Variants in SLCO5A1 observed in about 807,000 individuals in gnomAD.
The protein encoded by SLCO5A1 is organic anion transporter polypeptide-related protein 4.
In SLCO5A1, 39 loss-of-function variants were observed where a neutral mutation model predicts 65.1. That is an observed-to-expected ratio of 0.60 (90% confidence interval 0.46 to 0.78). The LOEUF is 0.78. Among genes scored for constraint, SLCO5A1 ranks in the 30% least tolerant of loss-of-function variants. SLCO5A1 has a pLI of 0.00. For synonymous variants in SLCO5A1, 438 were observed against 415.7 expected, an observed-to-expected ratio of 1.05 and a Z score of -0.65; for missense variants, 1,029 against 1,069.4, an observed-to-expected ratio of 0.96 and a Z score of 0.53.
In SLCO5A1 at chr8:69,672,962, TGCTGC is replaced by T. The variant is rs750738897; in HGVS notation, c.2449_2453del (p.Ala817ThrfsTer39). On this transcript the variant is annotated frameshift_variant, in exon 10 of 10. Coordinates refer to ENST00000260126, the MANE Select transcript of SLCO5A1 (RefSeq NM_030958.3). LOFTEE classifies it high-confidence loss of function. The stretch of plus-strand genomic sequence containing the variant: ...CTGGGAAGGGCCCCGGGTAGGTCTG[TGCTGC>T]GCACTGGATCCCTTTTTGCAGGCCA... 2 of 1,614,234 alleles carry T rather than the reference TGCTGC, an allele frequency of 1.2e-6. No homozygotes were observed. Among genetic ancestry groups the T allele is most frequent in the East Asian group, 4.5e-5 (2 of 44,870 alleles).
At chr8:69,710,955 T>C (rs1212095876) in intron 5 of SLCO5A1, among the ~76,000 whole-genome samples, 1 of 152,128 alleles carries the variant, frequency 6.6e-6, no homozygotes, top group Non-Finnish European at 1.5e-5. Context: ...TGGGGAATTA[T>C]ACGCGTCTTG....
intron 2 of SLCO5A1, among the ~76,000 whole-genome samples, chr8:69,799,031 A>C (rs565697394): frequency 6.6e-6 from 1 of 152,366 alleles, no homozygotes; most frequent in East Asian, 1.9e-4. Context: ...ACATAAAAGC[A>C]CTAAGTATAA....
At chr8:69,798,327 T>C (rs1819587063) in intron 2 of SLCO5A1, among the ~76,000 whole-genome samples, 1 of 152,172 alleles carries the variant, frequency 6.6e-6, no homozygotes, top group South Asian at 2.1e-4. Flanking sequence ...AAGAAATACC[T>C]GAGACTGGGT....
intron 4 of SLCO5A1, among the ~76,000 whole-genome samples, chr8:69,751,178 A>G (rs1175532022): frequency 1.3e-5 from 2 of 152,242 alleles, no homozygotes; most frequent in African/African-American, 4.8e-5. Context: ...AACTGCCACC[A>G]AAAGTTTTTT....
chr8:69,706,152 C>A (rs1441002586), intron 5 of SLCO5A1, among the ~76,000 whole-genome samples: 1 of 152,138 alleles, frequency 6.6e-6, no homozygotes, highest in Non-Finnish European at 1.5e-5. Flanking sequence ...TATACAAAGA[C>A]AATGATGAAT....
intron 2 of SLCO5A1, among the ~76,000 whole-genome samples, chr8:69,830,710 G>A (rs1228292452): frequency 2.0e-5 from 3 of 152,064 alleles, no homozygotes; most frequent in Non-Finnish European, 1.5e-5. Context: ...CATACCCTCT[G>A]CAACTGCTGC....
chr8:69,689,332 C>T lies in SLCO5A1; in HGVS notation c.1623-6989G>A, dbSNP rs1350370464. Among the ~76,000 whole-genome samples the T allele has an allele frequency of 6.0e-5, 6 of 99,650 alleles. 1 individual carries two copies. Among genetic ancestry groups the T allele is most frequent in the Admixed American group, 4.5e-4 (5 of 11,196 alleles). 65.4% of individuals were successfully genotyped at this position (99,650 alleles called of 152,430 possible). On this transcript the variant is annotated intron_variant, in intron 6 of 9. Coordinates refer to ENST00000260126, the MANE Select transcript of SLCO5A1 (RefSeq NM_030958.3). Reference sequence around the variant, plus strand: ...TAGTTTCTTTTGCTGTGCAGAAGCTCTTTAGTTTAATTAGATCCCATTTGT... The same window carrying T: ...TAGTTTCTTTTGCTGTGCAGAAGCTTTTTAGTTTAATTAGATCCCATTTGT...
intron 2 of SLCO5A1, among the ~76,000 whole-genome samples, chr8:69,779,228 C>A (rs1586790566): frequency 6.6e-6 from 1 of 152,096 alleles, no homozygotes; most frequent in Non-Finnish European, 1.5e-5. Context: ...TTTTAATTTT[C>A]ACCCCTAAGG....
At chr8:69,785,494 GA>G (rs1563723800) in intron 2 of SLCO5A1, among the ~76,000 whole-genome samples, 1 of 152,160 alleles carries the variant, frequency 6.6e-6, no homozygotes, top group African/African-American at 2.4e-5. Context: ...AGAAAAGGAA[GA>G]AGAGAATGAA....
chr8:69,804,857 C>G (rs545095015), intron 2 of SLCO5A1, among the ~76,000 whole-genome samples: 21 of 152,270 alleles, frequency 1.4e-4, no homozygotes, highest in South Asian at 8.3e-4. Context: ...GAGTCCTATT[C>G]GTGAGTTTCT....
At chr8:69,808,334 C>A (rs1820093191) in intron 2 of SLCO5A1, among the ~76,000 whole-genome samples, 1 of 152,178 alleles carries the variant, frequency 6.6e-6, no homozygotes, top group East Asian at 1.9e-4. Context: ...CACACTTCAC[C>A]CTCCAAAAGG....
chr8:69,676,313 C>A (rs551734851), intron 9 of SLCO5A1, among the ~76,000 whole-genome samples: 1 of 152,276 alleles, frequency 6.6e-6, no homozygotes, highest in African/African-American at 2.4e-5. Context: ...AAATTCTTCA[C>A]AAATTGCTTG....
chr8:69,709,306 G>C (rs1035777176), intron 5 of SLCO5A1, among the ~76,000 whole-genome samples: 4 of 152,184 alleles, frequency 2.6e-5, no homozygotes, highest in Non-Finnish European at 5.9e-5. Context: ...GGTTGAATGT[G>C]GAGGGGAAAT....
chr8:69,803,770 C>T (rs1586818535), intron 2 of SLCO5A1, among the ~76,000 whole-genome samples: 2 of 152,084 alleles, frequency 1.3e-5, no homozygotes, highest in East Asian at 1.9e-4. Context: ...GGAAAAACTG[C>T]TTAGGCCAGG....
intron 4 of SLCO5A1, among the ~76,000 whole-genome samples, chr8:69,739,762 A>G (rs1816718171): frequency 6.6e-6 from 1 of 152,158 alleles, no homozygotes; most frequent in South Asian, 2.1e-4. Context: ...ATGGATAAAC[A>G]CACCAGAGAA....
chr8:69,744,049 C>A (rs1175820551), intron 4 of SLCO5A1, among the ~76,000 whole-genome samples: 2 of 152,170 alleles, frequency 1.3e-5, no homozygotes, highest in Non-Finnish European at 2.9e-5. Flanking sequence ...GGCTTCTCCT[C>A]TCCCCTGGAG....
In SLCO5A1 at chr8:69,755,620, A is replaced by G; in HGVS notation, c.1062T>C (p.Cys354=). Residue 354 remains cysteine, a synonymous_variant, in exon 4 of 10, where the codon TGT becomes TGC. Coordinates refer to ENST00000260126, the MANE Select transcript of SLCO5A1 (RefSeq NM_030958.3). ...ATATCACAAGAAACATTGCAATGGC[A>G]CAAAGGAGGAATCCACTCCACCTAA... ...IGNWWSGFLL[C]AIAMFLVIFP... is the part of the protein sequence containing the mutation. 1 of 1,613,472 alleles carries G rather than the reference A, an allele frequency of 6.2e-7. No individual in the cohort carries two copies. The highest frequency in any genetic ancestry group is 8.5e-7 in the Non-Finnish European group (1 of 1,179,816).
At chr8:69,817,644 T>A (rs1820462535) in intron 2 of SLCO5A1, among the ~76,000 whole-genome samples, 2 of 152,188 alleles carry the variant, frequency 1.3e-5, no homozygotes, top group South Asian at 4.1e-4. Flanking sequence ...ACAAATGAGG[T>A]TAAATGAGAT....
chr8:69,684,445 G>A (rs529713501), intron 6 of SLCO5A1, among the ~76,000 whole-genome samples: 4 of 152,206 alleles, frequency 2.6e-5, no homozygotes, highest in African/African-American at 7.2e-5. Flanking sequence ...CAACCAAAGC[G>A]ACCTCTAGTT....
Sources: allele counts gnomAD v4.1 joint callset (sites outside exome capture counted in the v4.1 genomes callset), GRCh38; gene constraint gnomAD v4.1.1; transcripts MANE v1.5; gene names NCBI Gene and HGNC (gene_info 2026-07-23, HGNC 2026-07-21).